The following C12orf60 variants were observed in gnomAD, a reference collection of about 807,000 sequenced individuals.
C12orf60 encodes uncharacterized protein C12orf60.
For synonymous variants in C12orf60, 102 were observed against 94.6 expected, an observed-to-expected ratio of 1.08 and a Z score of -0.45; for missense variants, 284 against 283.2, an observed-to-expected ratio of 1.00 and a Z score of -0.02.
rs1475187983 is a variant in C12orf60, at chr12:14,821,918, C to T, written c.-24-994C>T. Reference sequence around the variant, plus strand: ...GTGGGAAGAGTGAAAAGGGGTCCACCCCATAAGGACAGCGTTTTCACTGCC... The same window carrying T: ...GTGGGAAGAGTGAAAAGGGGTCCACTCCATAAGGACAGCGTTTTCACTGCC... On this transcript the variant is annotated intron_variant, in intron 1 of 1. Coordinates refer to ENST00000330828, the MANE Select transcript of C12orf60 (RefSeq NM_175874.4). 4.0e-5 allele frequency among the ~76,000 whole-genome samples: 6 copies of T among 150,540 alleles called. No homozygotes were observed. The East Asian group carries it at 9.8e-4, about 25-fold the overall frequency.
chr12:14,813,640 A>G (rs1317985083), intron 1 of C12orf60, among the ~76,000 whole-genome samples: 1 of 152,236 alleles, frequency 6.6e-6, no homozygotes. Context: ...GTTTGGAGAC[A>G]CACAGCAAAT....
At chr12:14,815,516 A>G (rs561607587) in intron 1 of C12orf60, among the ~76,000 whole-genome samples, 1 of 152,334 alleles carries the variant, frequency 6.6e-6, no homozygotes, top group Admixed American at 6.5e-5. Flanking sequence ...GTCATGGAAA[A>G]TTGAAAATAG....
chr12:14,805,782 A>AT (rs1302743733), intron 1 of C12orf60: 3 of 525,490 alleles, frequency 5.7e-6, no homozygotes, highest in South Asian at 6.1e-5. Context: ...CAGGGAGAAA[A>AT]TTTTTTTACC....
At chr12:14,817,785 A>G (rs1950244081) in intron 1 of C12orf60, among the ~76,000 whole-genome samples, 1 of 152,224 alleles carries the variant, frequency 6.6e-6, no homozygotes, top group African/African-American at 2.4e-5. Context: ...GTGCTGCAAT[A>G]AACATACATG....
chr12:14,819,145 G>GGA (rs1299817675), intron 1 of C12orf60, among the ~76,000 whole-genome samples: 1 of 151,950 alleles, frequency 6.6e-6, no homozygotes, highest in East Asian at 1.9e-4. Context: ...TTGCTATATA[G>GGA]AGTCTTTCAG....
chr12:14,808,027 G>A (rs1425782561), intron 1 of C12orf60, among the ~76,000 whole-genome samples: 1 of 152,086 alleles, frequency 6.6e-6, no homozygotes, highest in African/African-American at 2.4e-5. Context: ...TTAGTTGGGT[G>A]TGGTGGTGCA....
chr12:14,821,286 CACTT>C (rs2137285705), intron 1 of C12orf60, among the ~76,000 whole-genome samples: 1 of 152,272 alleles, frequency 6.6e-6, no homozygotes, highest in African/African-American at 2.4e-5. Flanking sequence ...AATTACCTCA[CACTT>C]AGTGATTTTA....
At chr12:14,804,653 A>C (rs1950019875) in intron 1 of C12orf60, 1 of 152,238 alleles carries the variant, frequency 6.6e-6, no homozygotes, top group Non-Finnish European at 1.5e-5. Context: ...TTGAACTGCG[A>C]AGGTGAGCTA....
chr12:14,810,517 A>G (rs1414325724), intron 1 of C12orf60, among the ~76,000 whole-genome samples: 4 of 152,210 alleles, frequency 2.6e-5, no homozygotes, highest in African/African-American at 9.6e-5. Flanking sequence ...GCTTTTTTGG[A>G]ATTTCTAATC....
chr12:14,806,853 A>G (rs912240605), intron 1 of C12orf60, among the ~76,000 whole-genome samples: 1 of 152,206 alleles, frequency 6.6e-6, no homozygotes, highest in Non-Finnish European at 1.5e-5. Context: ...TTTTTAAAAG[A>G]GGGAGTATCG....
rs568291123 is a variant in C12orf60, at chr12:14,805,895, A to G, written c.-25+2144A>G. The G allele has an allele frequency of 2.7e-5, 31 of 1,131,904 alleles. No homozygotes were observed. The African/African-American group carries it at 3.7e-4, about 14-fold the overall frequency. The allele number at this position is 1,131,904 out of a possible 1,614,324, so 70.1% of individuals were successfully genotyped here. The stretch of plus-strand genomic sequence containing the variant: ...TTTCCCTCTCCAAATTGTTTATCTT[A>G]TTTAAGTCCATATTGGAAGCCTATA... On this transcript the variant is annotated intron_variant, in intron 1 of 1. Coordinates refer to ENST00000330828, the MANE Select transcript of C12orf60 (RefSeq NM_175874.4).
chr12:14,809,334 A>G (rs1950101739), intron 1 of C12orf60, among the ~76,000 whole-genome samples: 1 of 152,194 alleles, frequency 6.6e-6, no homozygotes, highest in African/African-American at 2.4e-5. Context: ...CGTAAAATGT[A>G]TCTGAAAGAC....
Position 14,822,982 on chromosome 12 carries a change from C to G in C12orf60, c.47C>G (p.Ala16Gly), listed in dbSNP as rs1325974882. 6.2e-7 allele frequency: 1 copy of G among 1,607,446 alleles called. No homozygotes were observed. The highest frequency in any genetic ancestry group is 8.5e-7 in the Non-Finnish European group (1 of 1,175,114). ...EKDKERLIQAAKMFFFHVQDL... is the reference protein window; with the variant it reads ...EKDKERLIQAGKMFFFHVQDL... ...GATAAAGAGAGACTGATTCAAGCTG[C>G]CAAAATGTTCTTCTTTCATGTACAA... is the stretch of plus-strand genomic sequence containing the variant. The change falls in exon 2 of 2, where the codon GCC (alanine) becomes GGC (glycine). Residue 16 changes from alanine to glycine, a missense_variant. Transcript: ENST00000330828.
At chr12:14,817,319 C>T (rs74745067) in intron 1 of C12orf60, among the ~76,000 whole-genome samples, 8 of 152,090 alleles carry the variant, frequency 5.3e-5, no homozygotes, top group Admixed American at 2.0e-4. Flanking sequence ...CCTAAACTTT[C>T]TTTTTTTGTT....
Position 14,823,838 on chromosome 12 carries a change from TAAAAAGAAATAATTAAG to T in C12orf60, c.*169_*185del. On this transcript the variant is annotated 3_prime_UTR_variant, in exon 2 of 2. Coordinates refer to ENST00000330828, the MANE Select transcript of C12orf60 (RefSeq NM_175874.4). ...TACCTGTAGTTTTGCTTTATTAAAA[TAAAAAGAAATAATTAAG>T]AAAGCCTGTTTGAAATGTCAGTCAC... The T allele has an allele frequency of 3.9e-6, 2 of 512,744 alleles. No homozygotes were observed. The highest frequency in any genetic ancestry group is 6.5e-6 in the Non-Finnish European group (2 of 309,562). The allele number at this position is 512,744 out of a possible 1,614,324, so 31.8% of individuals were successfully genotyped here.
chr12:14,806,803 A>G (rs1950059127), intron 1 of C12orf60: 11 of 1,009,768 alleles, frequency 1.1e-5, no homozygotes, highest in Non-Finnish European at 1.4e-5. Flanking sequence ...AAGAAGCAAG[A>G]TGCTGTCTAA....
chr12:14,821,601 G>A (rs1384384131), intron 1 of C12orf60, among the ~76,000 whole-genome samples: 3 of 152,106 alleles, frequency 2.0e-5, no homozygotes, highest in South Asian at 4.1e-4. Context: ...TTTCAGCTAC[G>A]TAAGTCTCCT....
intron 1 of C12orf60, chr12:14,806,679 A>G (rs373282630): frequency 1.2e-5 from 19 of 1,569,374 alleles, no homozygotes; most frequent in East Asian, 9.0e-5. Flanking sequence ...ACTTTGGGCC[A>G]TATTTCCAAT....
At chr12:14,813,619 G>C (rs1356977035) in intron 1 of C12orf60, among the ~76,000 whole-genome samples, 1 of 152,286 alleles carries the variant, frequency 6.6e-6, no homozygotes, top group East Asian at 1.9e-4. Flanking sequence ...CCCTCAAGAC[G>C]ATAACAGCCT....
Sources: gnomAD v4.1 joint callset for allele counts (sites outside exome capture counted in the v4.1 genomes callset) on GRCh38, gnomAD v4.1.1 for gene constraint, MANE v1.5 for transcripts, NCBI Gene and HGNC (gene_info 2026-07-23, HGNC 2026-07-21) for gene names.